The following PLEKHA1 variants were observed in gnomAD, a reference collection of about 807,000 sequenced individuals.
The protein encoded by PLEKHA1 is pleckstrin homology domain containing A1.
A neutral mutation model predicts 52.0 loss-of-function variants in PLEKHA1; 34 were observed. The ratio of observed to expected loss-of-function variants is 0.65; its 90% confidence interval spans 0.50 to 0.87. The LOEUF (loss-of-function observed/expected upper bound fraction) is 0.87, where lower values mean the gene tolerates loss of function less well. Ranked by LOEUF, PLEKHA1 falls within the 40% of genes least tolerant of loss-of-function variation. The probability of loss-of-function intolerance (pLI) is 0.00; values close to 1 mark genes in which losing one functional copy is unlikely to be tolerated. For missense variants in PLEKHA1, 497 were observed against 504.2 expected, an observed-to-expected ratio of 0.99 and a Z score of 0.14; for synonymous variants, 163 against 170.7, an observed-to-expected ratio of 0.95 and a Z score of 0.35.
At chr10:122,390,920 A>C (rs2096766925) in intron 1 of PLEKHA1, among the ~76,000 whole-genome samples, 1 of 152,162 alleles carries the variant, frequency 6.6e-6, no homozygotes. Context: ...CCAGCAACGT[A>C]GGAGGGTTCC....
rs1375405281 is a variant in PLEKHA1, at chr10:122,408,653, A to G, written c.342+1980A>G. ...CTTTTGATAGACACACATTTAACTC[A>G]TAGGATAGCAATGAAATAATTTCCT... On this transcript the variant is annotated intron_variant, in intron 5 of 11. Coordinates refer to ENST00000368990, the MANE Select transcript of PLEKHA1 (RefSeq NM_001001974.4). Among the ~76,000 whole-genome samples the G allele has an allele frequency of 2.6e-5, 4 of 152,270 alleles. No homozygotes were observed. In the South Asian group the frequency reaches 6.2e-4, roughly 24 times the overall value.
At chr10:122,420,572 A>C (rs2097245966) in intron 8 of PLEKHA1, 1 of 152,260 alleles carries the variant, frequency 6.6e-6, no homozygotes. Context: ...TCATTTAAAA[A>C]TTTTAAAAAT....
chr10:122,416,989 G>A (rs941277544), intron 7 of PLEKHA1: 2 of 154,290 alleles, frequency 1.3e-5, no homozygotes, highest in African/African-American at 2.4e-5. Flanking sequence ...ATCAGGCTGT[G>A]ATGCTCAGTT....
chr10:122,416,726 A>G (rs1262079674), intron 7 of PLEKHA1, among the ~76,000 whole-genome samples: 1 of 152,186 alleles, frequency 6.6e-6, no homozygotes, highest in South Asian at 2.1e-4. Context: ...TATGTGAACT[A>G]AATCTTTAGA....
chr10:122,397,773 A>T (rs2096871181), intron 2 of PLEKHA1, 145 bp from the exon 3 acceptor site: 2 of 618,260 alleles, frequency 3.2e-6, no homozygotes. Flanking sequence ...ACCTAGTAAA[A>T]ATTTGAACAG....
chr10:122,391,738 CTT>C (rs908152168), intron 1 of PLEKHA1, among the ~76,000 whole-genome samples: 6 of 145,074 alleles, frequency 4.1e-5, no homozygotes, highest in Non-Finnish European at 6.1e-5. Flanking sequence ...ACATTGTAAA[CTT>C]TTTTTTTTTT....
intron 11 of PLEKHA1, among the ~76,000 whole-genome samples, chr10:122,428,980 AC>A (rs1207912845): frequency 6.6e-6 from 1 of 152,218 alleles, no homozygotes; most frequent in Non-Finnish European, 1.5e-5. Context: ...ATAAATGTGT[AC>A]CCTTTGTTAC....
chr10:122,394,877 T>C (rs2096829789), intron 2 of PLEKHA1, among the ~76,000 whole-genome samples: 1 of 152,230 alleles, frequency 6.6e-6, no homozygotes, highest in African/African-American at 2.4e-5. Context: ...AATAGATTCT[T>C]CTTGTCATTC....
chr10:122,396,954 A>G (rs1389856688), intron 2 of PLEKHA1, among the ~76,000 whole-genome samples: 1 of 152,138 alleles, frequency 6.6e-6, no homozygotes, highest in Non-Finnish European at 1.5e-5. Flanking sequence ...ATCTGCTCAT[A>G]AGCCTTCTTC....
At chr10:122,425,124 G>A (rs373878203) in intron 10 of PLEKHA1, 165 bp downstream of exon 10, 2 of 461,572 alleles carry the variant, frequency 4.3e-6, no homozygotes, top group Non-Finnish European at 7.3e-6. Context: ...TATTGGTGGG[G>A]TTATATGTTC....
At chr10:122,408,252 AAGT>A (rs750554008) in intron 5 of PLEKHA1, among the ~76,000 whole-genome samples, 199 of 152,290 alleles carry the variant, frequency 1.3e-3, no homozygotes, top group Non-Finnish European at 2.6e-3. Flanking sequence ...TTAAGAGAAA[AAGT>A]AGTGAATGGT....
In PLEKHA1 at chr10:122,428,488, T is replaced by G. The variant is rs115456781; in HGVS notation, c.901-1136T>G. On this transcript the variant is annotated intron_variant, in intron 11 of 11. Coordinates refer to ENST00000368990, the MANE Select transcript of PLEKHA1 (RefSeq NM_001001974.4). Reference sequence around the variant, plus strand: ...TTTGTCAATACTAACGCAAACTGTTTCACTGTAGTCATCAGGTTGGATATG... The same window carrying G: ...TTTGTCAATACTAACGCAAACTGTTGCACTGTAGTCATCAGGTTGGATATG... 287 of 1,248,616 alleles carry G rather than the reference T, an allele frequency of 2.3e-4. No homozygotes were observed. The African/African-American group carries it at 4.0e-3, about 17-fold the overall frequency. 77.3% of individuals were successfully genotyped at this position (1,248,616 alleles called of 1,614,324 possible).
chr10:122,399,574 CT>C (rs1214760500), intron 3 of PLEKHA1, among the ~76,000 whole-genome samples: 4 of 150,910 alleles, frequency 2.7e-5, no homozygotes, highest in Admixed American at 2.6e-4. Flanking sequence ...GATTTGTGGA[CT>C]TTATTTTTAT....
intron 5 of PLEKHA1, chr10:122,411,759 A>G (rs559994787): frequency 2.0e-5 from 3 of 152,316 alleles, no homozygotes; most frequent in African/African-American, 7.2e-5. Flanking sequence ...GAGCCTTTGA[A>G]TACAATGTGA....
chr10:122,390,701 A>C (rs2096764094), intron 1 of PLEKHA1, among the ~76,000 whole-genome samples: 1 of 152,204 alleles, frequency 6.6e-6, no homozygotes, highest in African/African-American at 2.4e-5. Flanking sequence ...GGATTTCTTG[A>C]GCCCAGTAGT....
chr10:122,417,728 C>G (rs2097199753), intron 7 of PLEKHA1, among the ~76,000 whole-genome samples, 172 bp from the exon 8 acceptor site: 1 of 151,678 alleles, frequency 6.6e-6, no homozygotes, highest in South Asian at 2.1e-4. Flanking sequence ...AATTCAAAGC[C>G]TGGGTAGCTA....
intron 1 of PLEKHA1, among the ~76,000 whole-genome samples, chr10:122,381,352 C>T (rs1238858955): frequency 2.0e-5 from 3 of 152,140 alleles, no homozygotes; most frequent in Admixed American, 2.0e-4. Context: ...TGTGTCCCCA[C>T]CCAAATCTCA....
chr10:122,433,121 C>T (rs917989137), downstream of PLEKHA1: 1 of 152,314 alleles, frequency 6.6e-6, no homozygotes, highest in Middle Eastern at 3.4e-3. Flanking sequence ...TGAAATTCAG[C>T]CGGGAATGAC....
At chr10:122,427,896 GTAT>G (rs760668854) in intron 11 of PLEKHA1, among the ~76,000 whole-genome samples, 2 of 152,070 alleles carry the variant, frequency 1.3e-5, no homozygotes, top group Non-Finnish European at 2.9e-5. Context: ...TTTTCTGATA[GTAT>G]TATAATACCG....
Sources: gnomAD v4.1 joint callset for allele counts (sites outside exome capture counted in the v4.1 genomes callset) on GRCh38, gnomAD v4.1.1 for gene constraint, MANE v1.5 for transcripts, NCBI Gene and HGNC (gene_info 2026-07-23, HGNC 2026-07-21) for gene names.